ABCB7: variants seen among roughly 807,000 people sequenced by gnomAD.
ABCB7 encodes iron-sulfur clusters transporter ABCB7, mitochondrial.
Under a neutral mutation model 54.4 loss-of-function variants are expected in ABCB7, and 7 were observed. The ratio of observed to expected loss-of-function variants is 0.13; its 90% confidence interval spans 0.07 to 0.24. The LOEUF is 0.24. Ranked by LOEUF, ABCB7 falls within the 10% of genes least tolerant of loss-of-function variation. ABCB7 has a pLI of 1.00. For missense variants in ABCB7, 356 were observed against 570.4 expected (o/e 0.62, Z 3.83); for synonymous variants, 218 against 207.1 (o/e 1.05, Z -0.45).
chrX:75,104,682 G>A (rs964221457), intron 3 of ABCB7, among the ~76,000 whole-genome samples: 24 of 110,919 alleles, frequency 2.2e-4, no homozygotes, highest in East Asian at 8.6e-4. Context: ...GGAATCCTCC[G>A]TAACTCATTC....
intron 12 of ABCB7, among the ~76,000 whole-genome samples, chrX:75,067,631 C>G (rs1292098356): frequency 1.8e-5 from 2 of 110,807 alleles, no homozygotes; most frequent in Admixed American, 1.9e-4. Context: ...ATTACAGACA[C>G]CTGCCACCAT....
At chrX:75,121,388 T>C (rs1259602916) in intron 1 of ABCB7, among the ~76,000 whole-genome samples, 1 of 111,489 alleles carries the variant, frequency 9.0e-6, no homozygotes, top group African/African-American at 3.3e-5. Flanking sequence ...AGTCTTACCA[T>C]GATTTATCTT....
chrX:75,091,434 G>A (rs1273393338), intron 4 of ABCB7, among the ~76,000 whole-genome samples: 3 of 110,560 alleles, frequency 2.7e-5, no homozygotes, highest in Non-Finnish European at 1.9e-5. Flanking sequence ...TAGGAATAGA[G>A]GAAAACTTCA....
intron 12 of ABCB7, among the ~76,000 whole-genome samples, chrX:75,068,036 T>C (rs1418452724): frequency 9.0e-6 from 1 of 111,657 alleles, no homozygotes; most frequent in Non-Finnish European, 1.9e-5. Context: ...TACATATAGA[T>C]AGTAAAATGA....
rs1268328600 is a variant in ABCB7, at chrX:75,071,558, A to G, written c.1158T>C (p.Ser386=). The change falls in exon 9 of 16, where the codon AGT becomes AGC. Residue 386 remains serine (S), a synonymous_variant. Coordinates refer to ENST00000373394, the MANE Select transcript of ABCB7 (RefSeq NM_001271696.3). The part of the protein sequence containing the change: ...MLNFGQSAIF[S]VGLTAIMVLA... Reference sequence around the variant, plus strand: ...GCACCATTATAGCTGTTAAACCGACACTGAAAATAGCACTTTGACCAAAGT... The same window carrying G: ...GCACCATTATAGCTGTTAAACCGACGCTGAAAATAGCACTTTGACCAAAGT... 3.3e-6 allele frequency: 4 copies of G among 1,209,483 alleles called. No individual in the cohort carries two copies. The Admixed American group carries it at 6.6e-5, about 20-fold the overall frequency.
chrX:75,116,985 A>G (rs942346442), intron 1 of ABCB7, among the ~76,000 whole-genome samples: 3 of 111,393 alleles, frequency 2.7e-5, no homozygotes, highest in African/African-American at 9.8e-5. Context: ...TGGTCTAAAA[A>G]GGGGAGGCAA....
intron 5 of ABCB7, among the ~76,000 whole-genome samples, chrX:75,076,048 CAT>C (rs896785348): frequency 1.8e-5 from 2 of 111,529 alleles, no homozygotes; most frequent in African/African-American, 6.5e-5. Flanking sequence ...TCCCAAATCT[CAT>C]AGTGTCCTTT....
intron 1 of ABCB7, among the ~76,000 whole-genome samples, chrX:75,130,527 G>A (rs1196049132): frequency 8.9e-6 from 1 of 112,560 alleles, no homozygotes; most frequent in African/African-American, 3.2e-5. Context: ...GCTGGTACCA[G>A]AGAAGGAAAT....
chrX:75,066,544 T>G (rs1197443625), intron 12 of ABCB7, among the ~76,000 whole-genome samples: 1 of 111,303 alleles, frequency 9.0e-6, no homozygotes, highest in Non-Finnish European at 1.9e-5. Flanking sequence ...AGATTTTAGC[T>G]GCTCTAGTCA....
chrX:75,113,349 C>T (rs2081778886), intron 2 of ABCB7, among the ~76,000 whole-genome samples: 1 of 112,284 alleles, frequency 8.9e-6, no homozygotes, highest in African/African-American at 3.2e-5. Context: ...TAATTTATAT[C>T]TCACTTGCTT....
intron 15 of ABCB7, among the ~76,000 whole-genome samples, chrX:75,056,831 T>G (rs185360566): frequency 9.0e-6 from 1 of 111,683 alleles, no homozygotes; most frequent in African/African-American, 3.3e-5. Context: ...TCTTACACTA[T>G]ACACAAAAAT....
At chrX:75,085,933 G>A (rs902659075) in intron 4 of ABCB7, among the ~76,000 whole-genome samples, 9 of 108,450 alleles carry the variant, frequency 8.3e-5, no homozygotes, top group African/African-American at 2.7e-4. Context: ...TGCAACTATC[G>A]CCTCCTGTGT....
intron 1 of ABCB7, among the ~76,000 whole-genome samples, chrX:75,122,340 A>C (rs1372209430): frequency 1.9e-5 from 2 of 107,955 alleles, no homozygotes; most frequent in Non-Finnish European, 3.8e-5. Context: ...AAGTTACCCT[A>C]TGTGGTCTAA....
At chrX:75,137,766 C>T (rs2082021029) in intron 1 of ABCB7, among the ~76,000 whole-genome samples, 1 of 111,693 alleles carries the variant, frequency 9.0e-6, no homozygotes, top group African/African-American at 3.3e-5. Flanking sequence ...AGCTAACAGA[C>T]GTAAAGAGAA....
intron 12 of ABCB7, among the ~76,000 whole-genome samples, chrX:75,068,573 A>G (rs1222336593): frequency 8.9e-6 from 1 of 112,233 alleles, no homozygotes. Context: ...TATGTTGAAA[A>G]CTGCTCCAAA....
At chrX:75,076,776 G>C (rs1054412209) in intron 4 of ABCB7, 122 bp from the exon 5 acceptor site, 22 of 833,087 alleles carry the variant, frequency 2.6e-5, no homozygotes, top group Non-Finnish European at 3.7e-5. Context: ...ACTGGTATTA[G>C]AGTGATTTTC....
intron 4 of ABCB7, among the ~76,000 whole-genome samples, chrX:75,077,804 G>C (rs1212759663): frequency 9.0e-6 from 1 of 111,391 alleles, no homozygotes; most frequent in African/African-American, 3.3e-5. Flanking sequence ...TAAACATTAA[G>C]CTTTCTGACT....
At chrX:75,148,353 T>A in intron 1 of ABCB7, among the ~76,000 whole-genome samples, 1 of 110,610 alleles carries the variant, frequency 9.0e-6, no homozygotes, top group South Asian at 3.9e-4. Context: ...TAAATTTTTT[T>A]TGTTTGTTTT....
intron 3 of ABCB7, among the ~76,000 whole-genome samples, chrX:75,100,200 G>T (rs753683972): frequency 9.1e-6 from 1 of 109,672 alleles, no homozygotes; most frequent in East Asian, 2.9e-4. Flanking sequence ...ATCAATTATC[G>T]CGTAAACCAC....
Sources: allele counts gnomAD v4.1 joint callset (sites outside exome capture counted in the v4.1 genomes callset), GRCh38; gene constraint gnomAD v4.1.1; transcripts MANE v1.5; gene names NCBI Gene and HGNC (gene_info 2026-07-23, HGNC 2026-07-21).